The following RASA3 variants were observed in gnomAD, a reference collection of about 807,000 sequenced individuals.
RASA3 encodes RAS p21 protein activator 3.
Under a neutral mutation model 110.0 loss-of-function variants are expected in RASA3, and 73 were observed. That is an observed-to-expected ratio of 0.66 (90% CI 0.55 to 0.81). RASA3 has a LOEUF of 0.81. Among genes scored for constraint, RASA3 ranks in the 30% least tolerant of loss-of-function variants. The pLI is 0.00. For missense variants in RASA3, 976 were observed against 1,113.2 expected (o/e 0.88, Z 1.75); for synonymous variants, 500 against 451.4 (o/e 1.11, Z -1.37).
At chr13:113,993,362 G>A (rs1397018003) in intron 21 of RASA3, among the ~76,000 whole-genome samples, 1 of 152,032 alleles carries the variant, frequency 6.6e-6, no homozygotes, top group African/African-American at 2.4e-5. Flanking sequence ...TTTTAGTAGA[G>A]ATGGGGTTTC....
intron 1 of RASA3, among the ~76,000 whole-genome samples, chr13:114,098,794 A>C (rs1243055583): frequency 6.6e-6 from 1 of 152,156 alleles, no homozygotes; most frequent in East Asian, 1.9e-4. Context: ...AAGGGATTTA[A>C]AGAATGAAGA....
chr13:114,079,202 T>G (rs2079740538), intron 1 of RASA3, among the ~76,000 whole-genome samples: 2 of 152,228 alleles, frequency 1.3e-5, no homozygotes, highest in African/African-American at 4.8e-5. Flanking sequence ...GTGCTGGTAC[T>G]GGCCGCGTCC....
At position 114,115,401 on chromosome 13, in the gene RASA3, C is replaced by T. The variant is rs1041160745; in HGVS notation, c.55+17034G>A. On this transcript the variant is annotated intron_variant, in intron 1 of 23. Transcript: ENST00000334062. This position sits in a 1 kb window ranked among gnomAD's most constrained non-coding sequence, Gnocchi z 5.0. The stretch of plus-strand genomic sequence containing the variant: ...GCCACGTGTCCCACAAAACATAAGG[C>T]TTGGGTTAGTGTCGGGCACGCGGGG... 1.3e-5 allele frequency among the ~76,000 whole-genome samples: 2 copies of T among 152,202 alleles called. No homozygotes were observed. The highest frequency in any genetic ancestry group is 2.9e-5 in the Non-Finnish European group (2 of 68,024).
rs1282442848 is a variant in RASA3, at chr13:114,065,430, C to T, written c.173+8290G>A. On this transcript the variant is annotated intron_variant, in intron 2 of 23. Coordinates refer to ENST00000334062, the MANE Select transcript of RASA3 (RefSeq NM_007368.4). The surrounding 1 kb of genome is among the most constrained non-coding windows in gnomAD (Gnocchi z 4.1). ...CGTGAAGAGGAACCAAACCCCAAAC[C>T]GGGTCTGCGAAGCAGCCCTGGGGCT... Among the ~76,000 whole-genome samples the T allele has an allele frequency of 2.6e-5, 4 of 152,222 alleles. No individual in the cohort carries two copies. Among genetic ancestry groups the T allele is most frequent in the South Asian group, 2.1e-4 (1 of 4,834 alleles).
chr13:114,118,299 G>C (rs2139781611), intron 1 of RASA3, among the ~76,000 whole-genome samples: 1 of 152,264 alleles, frequency 6.6e-6, no homozygotes, highest in African/African-American at 2.4e-5. Flanking sequence ...ACCCCCGCCT[G>C]TGTGACTCAA....
chr13:114,097,516 A>G (rs2079961927), intron 1 of RASA3, among the ~76,000 whole-genome samples: 1 of 152,224 alleles, frequency 6.6e-6, no homozygotes, highest in South Asian at 2.1e-4. Flanking sequence ...TTTCTCAAAG[A>G]AAGGCATGAT....
rs924498626 is a variant in RASA3 at position 114,096,642 on chromosome 13, C to T, written c.56-22805G>A. 6.6e-6 allele frequency among the ~76,000 whole-genome samples: 1 copy of T among 152,084 alleles called. No individual in the cohort carries two copies. Among genetic ancestry groups the T allele is most frequent in the African/African-American group, 2.4e-5 (1 of 41,394 alleles). ...GCCAAATGACCCATTTCCCAAACGC[C>T]TTCCCTTTCCATTCTCTAAATACTG... On this transcript the variant is annotated intron_variant, in intron 1 of 23. Transcript: ENST00000334062. This position sits in a 1 kb window ranked among gnomAD's most constrained non-coding sequence, Gnocchi z 5.1.
chr13:114,031,879 C>T (rs971787580), intron 4 of RASA3, among the ~76,000 whole-genome samples: 4 of 152,112 alleles, frequency 2.6e-5, no homozygotes, highest in East Asian at 1.9e-4. Flanking sequence ...AAGACGTGGA[C>T]GGCAGAACCG....
chr13:114,042,261 A>G (rs1243193552), intron 3 of RASA3, among the ~76,000 whole-genome samples: 1 of 114,152 alleles, frequency 8.8e-6, no homozygotes. Context: ...TGGCACCACC[A>G]TGTCAACCCT....
intron 18 of RASA3, among the ~76,000 whole-genome samples, chr13:114,004,870 C>G (rs942769984): frequency 2.0e-5 from 3 of 152,208 alleles, no homozygotes; most frequent in African/African-American, 7.2e-5. Context: ...ACGGAATCCA[C>G]GTGTCCACCA....
intron 1 of RASA3, among the ~76,000 whole-genome samples, chr13:114,078,604 G>A (rs1303163280): frequency 2.0e-5 from 3 of 152,216 alleles, no homozygotes; most frequent in South Asian, 2.1e-4. Context: ...ACTAACAGGA[G>A]TAAAAGGCAG....
intron 1 of RASA3, among the ~76,000 whole-genome samples, chr13:114,111,959 T>C (rs1351998474): frequency 6.6e-6 from 1 of 152,152 alleles, no homozygotes; most frequent in African/African-American, 2.4e-5. Flanking sequence ...GGCACAGACT[T>C]CACCCTATCT....
At chr13:114,055,878 C>A (rs192000933) in intron 2 of RASA3, among the ~76,000 whole-genome samples, 1 of 152,204 alleles carries the variant, frequency 6.6e-6, no homozygotes, top group Non-Finnish European at 1.5e-5. Flanking sequence ...CTGGGCCTTG[C>A]GGCAAATGCG....
chr13:113,998,585 C>G (rs1230329419), intron 20 of RASA3, among the ~76,000 whole-genome samples: 1 of 152,204 alleles, frequency 6.6e-6, no homozygotes, highest in Non-Finnish European at 1.5e-5. Context: ...GCTGAAGGGG[C>G]ACTGAGTCAC....
chr13:114,024,431 G>T, intron 7 of RASA3, 76 bp from the exon 8 acceptor site: 1 of 1,350,300 alleles, frequency 7.4e-7, no homozygotes, highest in Non-Finnish European at 1.1e-6. Context: ...TAGGCCCCGG[G>T]CTGCCCTACC....
At chr13:114,104,322 T>G (rs1232165540) in intron 1 of RASA3, among the ~76,000 whole-genome samples, 2 of 124,372 alleles carry the variant, frequency 1.6e-5, no homozygotes, top group Non-Finnish European at 3.3e-5. Context: ...CCCCGATGCG[T>G]CCACACTGCC....
In RASA3 at chr13:114,027,919, T is replaced by G. The variant is rs753531282; in HGVS notation, c.458A>C (p.Glu153Ala). ...ATTCACGATGGGGAGGCCCTGGCACTCGACGATGCTGAGGAGAGAAGCAGA... is the reference window on the plus strand; with the variant it reads ...ATTCACGATGGGGAGGCCCTGGCACGCGACGATGCTGAGGAGAGAAGCAGA... ...VCHKLATRIVECQGLPIVNGQ... is the reference protein window; with the variant it reads ...VCHKLATRIVACQGLPIVNGQ... The change falls in exon 6 of 24, where the codon GAG (glutamate) becomes GCG (alanine). Residue 153 changes from glutamate to alanine, a missense_variant. Glu to Ala is a moderately radical substitution (Grantham distance 107). Coordinates refer to ENST00000334062, the MANE Select transcript of RASA3 (RefSeq NM_007368.4). 2 of 1,613,182 alleles carry G rather than the reference T, an allele frequency of 1.2e-6. No homozygotes were observed. Among genetic ancestry groups the G allele is most frequent in the Admixed American group, 3.3e-5 (2 of 59,990 alleles).
At chr13:114,104,697 A>T (rs2080109770) in intron 1 of RASA3, among the ~76,000 whole-genome samples, 4 of 152,176 alleles carry the variant, frequency 2.6e-5, no homozygotes. Context: ...AAAATAGCAA[A>T]TCGAAACTTT....
rs774741408 is a variant in RASA3 at position 113,980,227 on chromosome 13, GC to G, written c.2430-806del. ...CTCCTCCCATGTGTGTGCACCTCCT[GC>G]TGTGTGCGCCTCCTCCATGTGTGCC... On this transcript the variant is annotated intron_variant, in intron 23 of 23. Transcript: ENST00000334062. 3.6e-3 allele frequency among the ~76,000 whole-genome samples: 247 copies of G among 67,968 alleles called. 4 individuals are homozygous for G. The highest frequency in any genetic ancestry group is 0.012 in the African/African-American group (236 of 20,266). The allele number at this position is 67,968 out of a possible 152,430, so 44.6% of individuals were successfully genotyped here. A position where few individuals can be genotyped will look rare whatever the true frequency, so the allele number is the denominator to read the frequency against.
Sources: allele counts gnomAD v4.1 joint callset (sites outside exome capture counted in the v4.1 genomes callset), GRCh38; gene constraint gnomAD v4.1.1; non-coding constraint Gnocchi (gnomAD v3.1); transcripts MANE v1.5; gene names NCBI Gene and HGNC (gene_info 2026-07-23, HGNC 2026-07-21).